Variants in IL25 observed in about 807,000 individuals in gnomAD.
The protein encoded by IL25 is interleukin 25, also known as interleukin-25.
IL25 carries 10 observed loss-of-function variants against 13.2 expected under a neutral mutation model. The observed-to-expected ratio is 0.76, with a 90% CI of 0.47 to 1.29. The LOEUF is 1.29. Ranked by LOEUF, IL25 falls within the 50% of genes most tolerant of loss-of-function variation. IL25 has a pLI of 0.00. For synonymous variants in IL25, 107 were observed against 92.1 expected, an observed-to-expected ratio of 1.16 and a Z score of -0.93; for missense variants, 235 against 232.4, an observed-to-expected ratio of 1.01 and a Z score of -0.07.
intron 1 of IL25, 130 bp from the exon 3 acceptor site, chr14:23,375,495 T>G: frequency 9.0e-7 from 1 of 1,115,542 alleles, no homozygotes; most frequent in Non-Finnish European, 1.3e-6. Context: ...ACACAGCAAG[T>G]GGGTTCAGAA....
At chr14:23,375,867 G>T in exon 2 of IL25, 2 of 1,613,986 alleles carry the variant, frequency 1.2e-6, no homozygotes, top group Non-Finnish European at 1.7e-6. Context: ...GTGCGGCCCC[G>T]TGTGATGGGC....
At chr14:23,372,833 G>A (rs772558185), upstream of IL25, 139 of 844,982 alleles carry the variant, frequency 1.6e-4, 1 homozygote, top group Non-Finnish European at 2.6e-4. Flanking sequence ...TAAAAAGACA[G>A]TGGAAATAAA....
chr14:23,373,003 G>T lies in IL25; in HGVS notation c.-116G>T, dbSNP rs201244449. ...CAGTGCAGAGGGCTGCCTGAGGGCTGTGCTGAGAGGGAGAGGAGCAGAGAT... is the reference window on the plus strand; with the variant it reads ...CAGTGCAGAGGGCTGCCTGAGGGCTTTGCTGAGAGGGAGAGGAGCAGAGAT... On this transcript the variant is annotated 5_prime_UTR_variant, in exon 1 of 2. Coordinates refer to ENST00000329715, the Ensembl canonical transcript of IL25. 66 of 1,614,032 alleles carry T rather than the reference G, an allele frequency of 4.1e-5. No homozygotes were observed. In the African/African-American group the frequency reaches 8.7e-4, roughly 21 times the overall value.
At chr14:23,373,113 G>T (rs776521164) in exon 1 of IL25, 2 of 1,614,042 alleles carry the variant, frequency 1.2e-6, no homozygotes, top group East Asian at 2.2e-5. Flanking sequence ...CAGGGGGAGG[G>T]TGCAGATGAG....
intron 1 of IL25, 146 bp downstream of exon 2, chr14:23,373,542 G>T (rs1890470016): frequency 1.5e-6 from 1 of 682,898 alleles, no homozygotes; most frequent in African/African-American, 1.8e-5. Context: ...CTGTATTTGA[G>T]TCCTAGCTCT....
chr14:23,374,135 G>C (rs995262085), intron 1 of IL25, among the ~76,000 whole-genome samples: 1 of 152,028 alleles, frequency 6.6e-6, no homozygotes, highest in Admixed American at 6.6e-5. Flanking sequence ...GAAGTTCAGT[G>C]GTGGGGAGGG....
exon 2 of IL25, chr14:23,375,899 G>T: frequency 6.2e-7 from 1 of 1,609,380 alleles, no homozygotes; most frequent in Non-Finnish European, 8.5e-7. Flanking sequence ...GCTGGAGGCT[G>T]GTCCCTTTTT....
At chr14:23,373,472 C>A in intron 1 of IL25, 76 bp downstream of exon 2, 1 of 1,304,856 alleles carries the variant, frequency 7.7e-7, no homozygotes, top group Non-Finnish European at 1.1e-6. Flanking sequence ...AGGGCAATTC[C>A]AGCTTACTTT....
chr14:23,373,963 T>C (rs988548645), intron 1 of IL25, among the ~76,000 whole-genome samples: 1 of 152,202 alleles, frequency 6.6e-6, no homozygotes, highest in Non-Finnish European at 1.5e-5. Context: ...CACATAAATA[T>C]TATAGTTCTC....
exon 1 of IL25, chr14:23,373,374 GCCA>G (rs2138558185): frequency 6.2e-7 from 1 of 1,612,772 alleles, no homozygotes; most frequent in Non-Finnish European, 8.5e-7. Context: ...CAACAGCAGG[GCCA>G]TCTCCCCCTG....
exon 1 of IL25, chr14:23,373,346 C>T (rs1890464381): frequency 1.2e-6 from 2 of 1,613,874 alleles, no homozygotes; most frequent in African/African-American, 1.3e-5. Flanking sequence ...CCTGTAGGGC[C>T]AGTGAAGATG....
At chr14:23,375,762 T>C in exon 2 of IL25, 3 of 1,614,194 alleles carry the variant, frequency 1.9e-6, no homozygotes, top group South Asian at 2.2e-5. Context: ...AACCAGACTG[T>C]CTTCTACCGG....
exon 2 of IL25, chr14:23,375,709 C>T (rs1890531980): frequency 6.2e-7 from 1 of 1,614,110 alleles, no homozygotes; most frequent in Non-Finnish European, 8.5e-7. Context: ...TACAGACAGG[C>T]TCCCACATGG....
chr14:23,375,931 A>G (rs1185687400), exon 2 of IL25: 1 of 1,591,960 alleles, frequency 6.3e-7, no homozygotes, highest in South Asian at 1.1e-5. Context: ...AGCCAGGTGT[A>G]CAACCACTTG....
chr14:23,375,529 A>G (rs928455423), intron 1 of IL25, 96 bp from the exon 3 acceptor site: 4 of 1,471,166 alleles, frequency 2.7e-6, no homozygotes, highest in Non-Finnish European at 3.7e-6. Flanking sequence ...CCAAGGCCCC[A>G]GACGGACCAT....
chr14:23,374,730 C>CT lies in IL25; in HGVS notation c.279-882dup, dbSNP rs34356139. On this transcript the variant is annotated intron_variant, in intron 1 of 1. Coordinates refer to ENST00000329715, the Ensembl canonical transcript of IL25. Reference sequence around the variant, plus strand: ...GTTTTTCATCTTTCTTTCTTTCTTTCTTTTTTTTTTTTTGCCATGAAATCC... The same window carrying CT: ...GTTTTTCATCTTTCTTTCTTTCTTTCTTTTTTTTTTTTTTGCCATGAAATCC... Among the ~76,000 whole-genome samples the CT allele has an allele frequency of 5.0e-3, 668 of 132,828 alleles. 4 individuals carry two copies. Among genetic ancestry groups the CT allele is most frequent in the African/African-American group, 0.012 (399 of 34,244 alleles). 87.1% of individuals were successfully genotyped at this position (132,828 alleles called of 152,430 possible).
At chr14:23,375,897 C>T (rs1246324941) in exon 2 of IL25, 1 of 1,609,680 alleles carries the variant, frequency 6.2e-7, no homozygotes, top group Admixed American at 1.7e-5. Flanking sequence ...CTGCTGGAGG[C>T]TGGTCCCTTT....
exon 2 of IL25, chr14:23,375,944 A>G (rs1595037844): frequency 7.0e-6 from 11 of 1,577,326 alleles, no homozygotes; most frequent in African/African-American, 6.7e-5. Context: ...ACCACTTGCC[A>G]TGAAGGGCCA....
chr14:23,373,173 C>T lies in IL25; in HGVS notation c.55C>T (p.Gln19Ter). Residue 19 changes from glutamine (Q) to a stop codon, truncating the protein, a stop_gained, in exon 1 of 2, where the codon CAG becomes TAG. Transcript: ENST00000329715. LOFTEE classifies it high-confidence loss of function. Reference sequence around the variant, plus strand: ...CAGTTCTCTCATTAGCCTTTTCCTACAGGTGGTTGCATTCTTGGCAATGGT... The same window carrying T: ...CAGTTCTCTCATTAGCCTTTTCCTATAGGTGGTTGCATTCTTGGCAATGGT... 4.3e-6 allele frequency: 7 copies of T among 1,614,210 alleles called. No homozygotes were observed. The highest frequency in any genetic ancestry group is 2.2e-5 in the East Asian group (1 of 44,880).
Sources: gnomAD v4.1 joint callset for allele counts (sites outside exome capture counted in the v4.1 genomes callset) on GRCh38, gnomAD v4.1.1 for gene constraint, MANE v1.5 for transcripts, NCBI Gene and HGNC (gene_info 2026-07-23, HGNC 2026-07-21) for gene names.